Variants in TNRC6A observed in about 807,000 individuals in gnomAD.
TNRC6A encodes trinucleotide repeat-containing gene 6A protein.
In TNRC6A, 44 loss-of-function variants were observed where a neutral mutation model predicts 221.2. That is an observed-to-expected ratio of 0.20 (90% CI 0.16 to 0.26). The LOEUF (loss-of-function observed/expected upper bound fraction) is 0.26, where lower values mean the gene tolerates loss of function less well. Ranked by LOEUF, TNRC6A falls within the 10% of genes least tolerant of loss-of-function variation. The probability of loss-of-function intolerance (pLI) is 1.00; values close to 1 mark genes in which losing one functional copy is unlikely to be tolerated. For missense variants in TNRC6A, 2,199 were observed against 2,404.4 expected (o/e 0.91, Z 1.79); for synonymous variants, 847 against 838.5 (o/e 1.01, Z -0.18).
intron 18 of TNRC6A, 87 bp from the exon 19 acceptor site, chr16:24,815,060 A>G: frequency 6.8e-7 from 1 of 1,464,830 alleles, no homozygotes; most frequent in Non-Finnish European, 9.3e-7. Flanking sequence ...GATCTAATAG[A>G]AAGTGTTCAT....
At chr16:24,690,457 TG>T (rs1449432104) in intron 2 of TNRC6A, among the ~76,000 whole-genome samples, 2 of 152,322 alleles carry the variant, frequency 1.3e-5, no homozygotes, top group East Asian at 3.9e-4. Flanking sequence ...CTGTATTCTA[TG>T]GCAAACCAGG....
chr16:24,651,670 G>C (rs1309770070), intron 2 of TNRC6A, among the ~76,000 whole-genome samples: 2 of 150,782 alleles, frequency 1.3e-5, no homozygotes, highest in African/African-American at 4.9e-5. Flanking sequence ...ACCAGCCTGG[G>C]CAACATAGTG....
intron 2 of TNRC6A, among the ~76,000 whole-genome samples, chr16:24,660,079 T>A (rs1342248941): frequency 2.0e-5 from 3 of 152,206 alleles, no homozygotes; most frequent in Admixed American, 2.0e-4. Flanking sequence ...TTTATTTTTT[T>A]AACTTTTTAT....
Position 24,715,618 on chromosome 16 carries a change from T to C in TNRC6A, n.403-35108T>C, listed in dbSNP as rs1350833645. ...CTTGAGTAGTTTCTTTTTTTTTTTT[T>C]TTTCTTTTTTTTTAATTAAGACGGA... is the stretch of plus-strand genomic sequence containing the variant. On this transcript the variant is annotated intron_variant and non_coding_transcript_variant, in intron 2 of 2. Coordinates refer to the TNRC6A transcript ENST00000566108. Among the ~76,000 whole-genome samples, 17 of 150,582 alleles carry C rather than the reference T, an allele frequency of 1.1e-4. 1 individual carries two copies. The highest frequency in any genetic ancestry group is 9.8e-4 in the East Asian group (5 of 5,118).
chr16:24,665,194 C>A (rs190794877), intron 2 of TNRC6A, among the ~76,000 whole-genome samples: 2 of 152,086 alleles, frequency 1.3e-5, no homozygotes, highest in Non-Finnish European at 2.9e-5. Flanking sequence ...CTCAGCCTCT[C>A]GAGTAGCTGG....
At chr16:24,693,221 G>A (rs1039052024) in intron 2 of TNRC6A, among the ~76,000 whole-genome samples, 10 of 151,924 alleles carry the variant, frequency 6.6e-5, no homozygotes, top group African/African-American at 1.9e-4. Context: ...TTGGGAGGCC[G>A]AGGTGGGAGG....
At chr16:24,656,359 C>T (rs1328991103) in intron 2 of TNRC6A, among the ~76,000 whole-genome samples, 1 of 150,250 alleles carries the variant, frequency 6.7e-6, no homozygotes, top group Non-Finnish European at 1.5e-5. Flanking sequence ...CCCAGCTACA[C>T]AGGAGGCTGA....
chr16:24,712,933 G>A lies in TNRC6A; in HGVS notation n.403-37793G>A, dbSNP rs1038743055. On this transcript the variant is annotated intron_variant and non_coding_transcript_variant, in intron 2 of 2. Coordinates refer to the TNRC6A transcript ENST00000566108. ...TGTGTGTGTGTGTGTGTGTGTGTGTGTGTGTGTGTGTGTGTGTGTGTGTGT... is the reference window on the plus strand; with the variant it reads ...TGTGTGTGTGTGTGTGTGTGTGTGTATGTGTGTGTGTGTGTGTGTGTGTGT... 6.9e-4 allele frequency among the ~76,000 whole-genome samples: 104 copies of A among 151,078 alleles called. 1 individual carries two copies. The highest frequency in any genetic ancestry group is 2.3e-3 in the African/African-American group (96 of 41,186).
At chr16:24,691,431 T>C (rs2055753995) in intron 2 of TNRC6A, among the ~76,000 whole-genome samples, 2 of 151,822 alleles carry the variant, frequency 1.3e-5, no homozygotes, top group Admixed American at 6.6e-5. Context: ...AACAATACAA[T>C]GTAGATTCTG....
At chr16:24,760,530 A>G (rs2057340824) in intron 4 of TNRC6A, among the ~76,000 whole-genome samples, 1 of 152,180 alleles carries the variant, frequency 6.6e-6, no homozygotes. Flanking sequence ...GATTTCACTC[A>G]TGTCATCCTT....
rs903800946 is a variant in TNRC6A at position 24,752,044 on chromosome 16, G to A, written c.141+1231G>A. ...GGTAGAACTCTGAAGAGTTGAACTA[G>A]GAAAGGCTAGGAGGTTTTCTCAAGG... On this transcript the variant is annotated intron_variant, in intron 3 of 24. Coordinates refer to ENST00000395799, the MANE Select transcript of TNRC6A (RefSeq NM_014494.4). 3.9e-5 allele frequency among the ~76,000 whole-genome samples: 6 copies of A among 152,284 alleles called. No individual in the cohort carries two copies. The East Asian group carries it at 1.2e-3, about 29-fold the overall frequency.
chr16:24,802,878 T>G (rs937322398), intron 11 of TNRC6A, among the ~76,000 whole-genome samples: 1 of 152,142 alleles, frequency 6.6e-6, no homozygotes, highest in Non-Finnish European at 1.5e-5. Context: ...TTGTCCACTT[T>G]TAAAAGATTT....
At chr16:24,758,530 TGTG>T (rs2151489644) in intron 4 of TNRC6A, among the ~76,000 whole-genome samples, 170 bp downstream of exon 4, 1 of 152,312 alleles carries the variant, frequency 6.6e-6, no homozygotes, top group South Asian at 2.1e-4. Flanking sequence ...TCATGGTTAT[TGTG>T]GTGTATGTGA....
At chr16:24,743,245 T>G (rs2151312547) in intron 2 of TNRC6A, among the ~76,000 whole-genome samples, 1 of 152,352 alleles carries the variant, frequency 6.6e-6, no homozygotes, top group Non-Finnish European at 1.5e-5. Flanking sequence ...TAGGTGTTTC[T>G]GTCCTTATGG....
At position 24,823,162 on chromosome 16, in the gene TNRC6A, G is replaced by C. The variant is rs895955751; in HGVS notation, c.5513+149G>C. The C allele has an allele frequency of 4.1e-6, 5 of 1,213,784 alleles. No homozygotes were observed. In the African/African-American group the frequency reaches 6.0e-5, roughly 15 times the overall value. 75.2% of individuals were successfully genotyped at this position (1,213,784 alleles called of 1,614,324 possible). A position where few individuals can be genotyped will look rare whatever the true frequency, so the allele number is the denominator to read the frequency against. ...GATTCCAAGGTCGGCATTCCTAAGC[G>C]GGGAATCAGACCTGGCTAGATGGCC... On this transcript the variant is annotated intron_variant, in intron 24 of 24. Coordinates refer to ENST00000395799, the MANE Select transcript of TNRC6A (RefSeq NM_014494.4). This position sits in a 1 kb window ranked among gnomAD's most constrained non-coding sequence, Gnocchi z 4.3.
chr16:24,798,624 T>G (rs1397576719), intron 11 of TNRC6A, among the ~76,000 whole-genome samples: 1 of 151,954 alleles, frequency 6.6e-6, no homozygotes, highest in Non-Finnish European at 1.5e-5. Context: ...ATTTCAAAGC[T>G]CCAAACCAAG....
At chr16:24,822,767 G>A (rs1352069512) in intron 23 of TNRC6A, 107 bp from the exon 24 acceptor site, 2 of 1,462,536 alleles carry the variant, frequency 1.4e-6, no homozygotes, top group East Asian at 4.6e-5. Context: ...GGTGCCAGGA[G>A]CACAGAGCCT....
intron 19 of TNRC6A, chr16:24,815,539 A>T: frequency 1.9e-6 from 1 of 525,318 alleles, no homozygotes; most frequent in Non-Finnish European, 3.5e-6. Context: ...AGTGAGCCCC[A>T]TTGACCAGCA....
At chr16:24,639,961 C>T (rs971477697) in intron 1 of TNRC6A, among the ~76,000 whole-genome samples, 3 of 152,148 alleles carry the variant, frequency 2.0e-5, no homozygotes, top group African/African-American at 7.2e-5. Flanking sequence ...TTGGCCCAGT[C>T]ACTGTTTTTT....
Sources: gnomAD v4.1 joint callset for allele counts (sites outside exome capture counted in the v4.1 genomes callset) on GRCh38, gnomAD v4.1.1 for gene constraint, Gnocchi (gnomAD v3.1) non-coding constraint, MANE v1.5 for transcripts, NCBI Gene and HGNC (gene_info 2026-07-23, HGNC 2026-07-21) for gene names.